Variants in PABPC4L observed in about 807,000 individuals in gnomAD.
The protein encoded by PABPC4L is poly(A) binding protein cytoplasmic 4 like.
For synonymous variants in PABPC4L, 169 were observed against 164.1 expected, an observed-to-expected ratio of 1.03 and a Z score of -0.23; for missense variants, 452 against 451.4, an observed-to-expected ratio of 1.00 and a Z score of -0.01.
At chr4:134,088,606 A>C in the PABPC4L span, among the ~76,000 whole-genome samples, 1 of 152,022 alleles carries the variant, frequency 6.6e-6, no homozygotes, top group Non-Finnish European at 1.5e-5. Context: ...TAGGGCCTTT[A>C]TAAAAGGGCA....
chr4:134,021,576 G>A, the PABPC4L span, among the ~76,000 whole-genome samples: 1 of 152,222 alleles, frequency 6.6e-6, no homozygotes, highest in African/African-American at 2.4e-5. Context: ...AAAAATGATT[G>A]ATGTAAAAGG....
chr4:134,130,172 A>C, the PABPC4L span, among the ~76,000 whole-genome samples: 14 of 151,964 alleles, frequency 9.2e-5, no homozygotes. Context: ...CTAGCAGAAG[A>C]AAAGAAATAA....
chr4:134,086,612 G>T, the PABPC4L span, among the ~76,000 whole-genome samples: 1 of 151,986 alleles, frequency 6.6e-6, no homozygotes, highest in African/African-American at 2.4e-5. Flanking sequence ...GTAGCAGGGA[G>T]ATAGTTCCAG....
Position 134,201,233 on chromosome 4 carries a change from C to A in PABPC4L, c.-214G>T. ...AGCCACCAATCTGGCCCTCCTAGGACGCGGCAACAGAACTGTGAAATCGCA... is the reference window on the plus strand; with the variant it reads ...AGCCACCAATCTGGCCCTCCTAGGAAGCGGCAACAGAACTGTGAAATCGCA... On this transcript the variant is annotated 5_prime_UTR_variant, in exon 2 of 2. Coordinates refer to ENST00000421491, the MANE Select transcript of PABPC4L (RefSeq NM_001114734.2). The A allele has an allele frequency of 6.5e-7, 1 of 1,535,666 alleles. No homozygotes were observed. Among genetic ancestry groups the A allele is most frequent in the South Asian group, 1.2e-5 (1 of 83,014 alleles).
the PABPC4L span, among the ~76,000 whole-genome samples, chr4:134,057,442 A>T: frequency 6.6e-6 from 1 of 152,080 alleles, no homozygotes; most frequent in Non-Finnish European, 1.5e-5. Context: ...ACTAGGCCTC[A>T]TCTAGCACTC....
chr4:134,006,167 C>T, the PABPC4L span, among the ~76,000 whole-genome samples: 1 of 151,794 alleles, frequency 6.6e-6, no homozygotes, highest in Non-Finnish European at 1.5e-5. Flanking sequence ...GTGGACACAG[C>T]TTTGTTTTTT....
At chr4:134,174,232 T>G in the PABPC4L span, among the ~76,000 whole-genome samples, 1 of 152,086 alleles carries the variant, frequency 6.6e-6, no homozygotes, top group Non-Finnish European at 1.5e-5. Flanking sequence ...CCTATCATAA[T>G]GTCTACTTCT....
chr4:134,120,083 T>C, the PABPC4L span, among the ~76,000 whole-genome samples: 2,555 of 151,730 alleles, frequency 0.017, 36 homozygotes, highest in Admixed American at 0.028. Context: ...ATTTATGCAC[T>C]TCTGTTGACA....
the PABPC4L span, among the ~76,000 whole-genome samples, chr4:133,989,898 C>G: frequency 6.6e-6 from 1 of 152,128 alleles, no homozygotes. Flanking sequence ...GCAGGAGAAG[C>G]AAACACTTCC....
the PABPC4L span, among the ~76,000 whole-genome samples, chr4:134,084,820 C>T: frequency 6.6e-6 from 1 of 152,038 alleles, no homozygotes; most frequent in Non-Finnish European, 1.5e-5. Context: ...TGTTGCCAAA[C>T]TTTCTCCATA....
At chr4:134,127,113 ACAG>A in the PABPC4L span, among the ~76,000 whole-genome samples, 1 of 151,938 alleles carries the variant, frequency 6.6e-6, no homozygotes, top group Non-Finnish European at 1.5e-5. Context: ...TCCCACCCAC[ACAG>A]CAGCAGCAGC....
chr4:134,112,321 A>G, the PABPC4L span, among the ~76,000 whole-genome samples: 87 of 152,094 alleles, frequency 5.7e-4, no homozygotes, highest in African/African-American at 1.9e-3. Flanking sequence ...ATTTCATCAC[A>G]TAATAGCTTC....
the PABPC4L span, among the ~76,000 whole-genome samples, chr4:134,083,832 A>G: frequency 1.6e-4 from 24 of 152,144 alleles, no homozygotes; most frequent in African/African-American, 5.6e-4. Flanking sequence ...ATGTTTCCAA[A>G]TCGAAAAGCT....
chr4:134,010,661 G>A, the PABPC4L span: 1 of 152,124 alleles, frequency 6.6e-6, no homozygotes, highest in Non-Finnish European at 1.5e-5. Flanking sequence ...TTCTTCATTG[G>A]ATCCGCTGAA....
At chr4:133,973,461 T>C in the PABPC4L span, among the ~76,000 whole-genome samples, 1 of 152,070 alleles carries the variant, frequency 6.6e-6, no homozygotes, top group Non-Finnish European at 1.5e-5. Context: ...CCAATAAAAA[T>C]AGCTGAATCT....
At chr4:133,963,207 A>G in the PABPC4L span, among the ~76,000 whole-genome samples, 1 of 152,186 alleles carries the variant, frequency 6.6e-6, no homozygotes, top group Non-Finnish European at 1.5e-5. Context: ...TATCAGACAA[A>G]ACAAACTTTA....
the PABPC4L span, among the ~76,000 whole-genome samples, chr4:134,115,964 T>C: frequency 6.6e-6 from 1 of 151,854 alleles, no homozygotes; most frequent in Non-Finnish European, 1.5e-5. Flanking sequence ...ATAAAAAAGA[T>C]AATGTACTGA....
the PABPC4L span, among the ~76,000 whole-genome samples, chr4:134,059,756 G>A: frequency 4.6e-5 from 7 of 151,842 alleles, no homozygotes; most frequent in South Asian, 1.2e-3. Context: ...GAAAATAAAA[G>A]CTTCAAAAAA....
the PABPC4L span, among the ~76,000 whole-genome samples, chr4:134,184,128 T>C: frequency 1.3e-5 from 2 of 151,916 alleles, no homozygotes; most frequent in African/African-American, 4.8e-5. Flanking sequence ...TGGCAGAGGA[T>C]AGACTGGTTA....
Sources: gnomAD v4.1 joint callset for allele counts (sites outside exome capture counted in the v4.1 genomes callset) on GRCh38, gnomAD v4.1.1 for gene constraint, MANE v1.5 for transcripts, NCBI Gene and HGNC (gene_info 2026-07-23, HGNC 2026-07-21) for gene names.